DENND10: variants seen among roughly 807,000 people sequenced by gnomAD.
DENND10 encodes the protein DENN domain containing 10.
A neutral mutation model predicts 43.6 loss-of-function variants in DENND10; 24 were observed. The ratio of observed to expected loss-of-function variants is 0.55; its 90% CI spans 0.40 to 0.77. The LOEUF (loss-of-function observed/expected upper bound fraction) is 0.77. Ranked by LOEUF, DENND10 falls within the 30% of genes least tolerant of loss-of-function variation. DENND10 has a pLI of 0.00. For synonymous variants in DENND10, 125 were observed against 157.6 expected (o/e 0.79, Z 1.55); for missense variants, 303 against 429.9 (o/e 0.70, Z 2.61).
chr10:119,127,323 G>A (rs1412189228), intron 6 of DENND10, among the ~76,000 whole-genome samples: 1 of 152,120 alleles, frequency 6.6e-6, no homozygotes, highest in African/African-American at 2.4e-5. Context: ...ATAACCACTT[G>A]GACCAGGACA....
intron 1 of DENND10, chr10:119,105,380 C>A: frequency 4.6e-6 from 1 of 217,776 alleles, no homozygotes; most frequent in Non-Finnish European, 9.4e-6. Flanking sequence ...CTCCACCTCC[C>A]AGGCCCAAAC....
chr10:119,118,318 C>T (rs1198719841), intron 4 of DENND10, among the ~76,000 whole-genome samples: 1 of 152,130 alleles, frequency 6.6e-6, no homozygotes, highest in Non-Finnish European at 1.5e-5. Flanking sequence ...GAATTTTGTG[C>T]CTCGAGGTCT....
intron 1 of DENND10, 65 bp downstream of exon 1, chr10:119,104,262 C>T: frequency 3.6e-6 from 5 of 1,407,476 alleles, no homozygotes; most frequent in Non-Finnish European, 4.7e-6. Context: ...CACCTCGGCC[C>T]GGGGCAGCCC....
chr10:119,107,071 C>T (rs866141223), intron 1 of DENND10, among the ~76,000 whole-genome samples: 2 of 152,188 alleles, frequency 1.3e-5, no homozygotes, highest in South Asian at 4.1e-4. Context: ...CCGCCCAGCA[C>T]TTTGGGAGGC....
chr10:119,136,949 A>C lies in DENND10; in HGVS notation c.*302A>C. ...AGAGAAAAAAAGCACATCACAACAA[A>C]TGTGAAAGCCTTCATTATTACACGT... On this transcript the variant is annotated 3_prime_UTR_variant, in exon 9 of 9. Coordinates refer to ENST00000361432, the MANE Select transcript of DENND10 (RefSeq NM_207009.4). The C allele has an allele frequency of 2.9e-5, 8 of 275,236 alleles. No homozygotes were observed. The highest frequency in any genetic ancestry group is 7.8e-5 in the East Asian group (1 of 12,754). The allele number at this position is 275,236 out of a possible 1,614,324, so 17.0% of individuals were successfully genotyped here.
intron 6 of DENND10, 86 bp from the exon 7 acceptor site, chr10:119,129,429 G>A (rs1341519930): frequency 2.5e-6 from 2 of 811,620 alleles, no homozygotes; most frequent in South Asian, 1.5e-5. Flanking sequence ...AAAGAGAGCA[G>A]TCGATGAGCT....
At chr10:119,109,303 A>C (rs1338081994) in intron 2 of DENND10, among the ~76,000 whole-genome samples, 1 of 152,070 alleles carries the variant, frequency 6.6e-6, no homozygotes, top group Non-Finnish European at 1.5e-5. Flanking sequence ...TTTGATATGA[A>C]CAGTATCAGT....
intron 7 of DENND10, among the ~76,000 whole-genome samples, chr10:119,131,459 A>G (rs1414444121): frequency 6.6e-6 from 1 of 151,948 alleles, no homozygotes; most frequent in Non-Finnish European, 1.5e-5. Flanking sequence ...CTCTGTCTCA[A>G]ATAAATAAAT....
intron 4 of DENND10, among the ~76,000 whole-genome samples, 180 bp from the exon 5 acceptor site, chr10:119,120,161 T>C (rs972872658): frequency 2.6e-5 from 4 of 151,498 alleles, no homozygotes; most frequent in Non-Finnish European, 5.9e-5. Context: ...AGCAGGAGAA[T>C]CGCTTGAGCC....
At chr10:119,107,508 A>G (rs1269107715) in intron 1 of DENND10, among the ~76,000 whole-genome samples, 2 of 151,594 alleles carry the variant, frequency 1.3e-5, no homozygotes, top group Non-Finnish European at 2.9e-5. Context: ...GGTTCAAGCA[A>G]TTCTCTTGCC....
At chr10:119,126,428 C>T (rs1259644355) in intron 6 of DENND10, among the ~76,000 whole-genome samples, 4 of 152,074 alleles carry the variant, frequency 2.6e-5, no homozygotes, top group Admixed American at 6.6e-5. Flanking sequence ...CAACAGTGTA[C>T]GAGAGTTCTT....
In DENND10 at chr10:119,136,601, A is replaced by C. The variant is rs1302914678; in HGVS notation, c.1028A>C (p.Asn343Thr). 1.9e-6 allele frequency: 3 copies of C among 1,576,038 alleles called. No individual in the cohort carries two copies. The highest frequency in any genetic ancestry group is 2.6e-6 in the Non-Finnish European group (3 of 1,162,100). Residue 343 changes from asparagine (N) to threonine (T), a missense_variant, in exon 9 of 9, where the codon AAC becomes ACC. By Grantham distance (65) the Asn-to-Thr change is moderately conservative. Transcript: ENST00000361432. ...AAACGATTTCCACCAGCAACAGAAAACTTCCTTTATCATCTAGCAGCAGCC... is the reference window on the plus strand; with the variant it reads ...AAACGATTTCCACCAGCAACAGAAACCTTCCTTTATCATCTAGCAGCAGCC... ...KQKRFPPATE[N>T]FLYHLAAAEQ...
At chr10:119,104,374 G>A (rs1032439171) in intron 1 of DENND10, among the ~76,000 whole-genome samples, 177 bp downstream of exon 1, 2 of 151,420 alleles carry the variant, frequency 1.3e-5, no homozygotes, top group African/African-American at 4.8e-5. Flanking sequence ...TTGGTGCAGG[G>A]GACCCGGCCC....
chr10:119,115,030 A>G (rs968977347), intron 3 of DENND10, among the ~76,000 whole-genome samples: 3 of 152,134 alleles, frequency 2.0e-5, no homozygotes, highest in Non-Finnish European at 4.4e-5. Flanking sequence ...TCGGCCTCCT[A>G]GAGTGTAGAG....
chr10:119,132,016 T>C lies in DENND10; in HGVS notation c.803-499T>C, dbSNP rs1006155538. ...CCTCAGTGCAGACAGTAGCAATGTA[T>C]GTAACCAGGCTAACTTAGGTGGTTT... On this transcript the variant is annotated intron_variant, in intron 7 of 8. Coordinates refer to ENST00000361432, the MANE Select transcript of DENND10 (RefSeq NM_207009.4). This position sits in a 1 kb window ranked among gnomAD's most constrained non-coding sequence, Gnocchi z 4.2. 1.1e-4 allele frequency among the ~76,000 whole-genome samples: 17 copies of C among 152,242 alleles called. No homozygotes were observed. Among genetic ancestry groups the C allele is most frequent in the Admixed American group, 1.1e-3 (17 of 15,286 alleles).
intron 4 of DENND10, among the ~76,000 whole-genome samples, chr10:119,118,769 C>T (rs1305014748): frequency 6.6e-6 from 1 of 151,650 alleles, no homozygotes; most frequent in Non-Finnish European, 1.5e-5. Context: ...TTCCTGGGCT[C>T]AAGCAATCCT....
At position 119,107,377 on chromosome 10, in the gene DENND10, T is replaced by C. The variant is rs115909834; in HGVS notation, c.56-591T>C. ...TGATAAGCATTTGTGTGGGAGGAGA[T>C]AGGGAGAAACTCTAACATCTTTCTT... is the stretch of plus-strand genomic sequence containing the variant. On this transcript the variant is annotated intron_variant, in intron 1 of 8. Transcript: ENST00000361432. 6.7e-3 allele frequency among the ~76,000 whole-genome samples: 1,005 copies of C among 151,062 alleles called. 11 individuals are homozygous for C. The highest frequency in any genetic ancestry group is 0.023 in the African/African-American group (939 of 41,282).
At chr10:119,126,497 C>T (rs1007454947) in intron 6 of DENND10, among the ~76,000 whole-genome samples, 6 of 152,146 alleles carry the variant, frequency 3.9e-5, no homozygotes, top group Non-Finnish European at 8.8e-5. Flanking sequence ...CAGAGTCTCC[C>T]TCTGTTGTCC....
At chr10:119,113,675 A>C (rs1372377379) in intron 3 of DENND10, among the ~76,000 whole-genome samples, 2 of 118,554 alleles carry the variant, frequency 1.7e-5, no homozygotes, top group African/African-American at 5.8e-5. Context: ...ATGTATATAC[A>C]CACACCAAAA....
Sources: allele counts gnomAD v4.1 joint callset (sites outside exome capture counted in the v4.1 genomes callset), GRCh38; gene constraint gnomAD v4.1.1; non-coding constraint Gnocchi (gnomAD v3.1); transcripts MANE v1.5; gene names NCBI Gene and HGNC (gene_info 2026-07-23, HGNC 2026-07-21).